LRP1B: variants seen among roughly 807,000 people sequenced by gnomAD.
LRP1B encodes the protein LDL receptor related protein 1B.
LRP1B carries 217 observed loss-of-function variants against 556.6 expected under a neutral mutation model. That is an observed-to-expected ratio of 0.39 (90% CI 0.35 to 0.44). LRP1B has a LOEUF of 0.44. LRP1B is among the 20% of genes least tolerant of loss of function. The pLI is 1.00. For missense variants in LRP1B, 5,053 were observed against 5,620.8 expected, an observed-to-expected ratio of 0.90 and a Z score of 3.23; for synonymous variants, 2,047 against 1,865.8, an observed-to-expected ratio of 1.10 and a Z score of -2.50.
At chr2:140,859,942 C>T (rs941643974) in intron 27 of LRP1B, among the ~76,000 whole-genome samples, 13 of 152,046 alleles carry the variant, frequency 8.6e-5, no homozygotes, top group East Asian at 1.9e-4. Context: ...TTGCAGTGAG[C>T]GGAGATCGCA....
intron 2 of LRP1B, among the ~76,000 whole-genome samples, chr2:141,528,246 G>A (rs1161623478): frequency 1.3e-5 from 2 of 151,680 alleles, no homozygotes; most frequent in Non-Finnish European, 2.9e-5. Context: ...CTCATAACGG[G>A]TTAAGTATAT....
At chr2:141,811,163 A>G (rs1418093366) in intron 1 of LRP1B, among the ~76,000 whole-genome samples, 1 of 152,082 alleles carries the variant, frequency 6.6e-6, no homozygotes, top group African/African-American at 2.4e-5. Flanking sequence ...TTATCACGTG[A>G]ATCCCTTTAC....
chr2:141,093,278 T>C (rs938896259), intron 7 of LRP1B, among the ~76,000 whole-genome samples: 3 of 152,120 alleles, frequency 2.0e-5, no homozygotes, highest in African/African-American at 2.4e-5. Context: ...TTATGTTCAA[T>C]TGAGGTGGTT....
intron 69 of LRP1B, among the ~76,000 whole-genome samples, chr2:140,372,311 T>C (rs1170777020): frequency 1.3e-5 from 2 of 152,076 alleles, no homozygotes; most frequent in Admixed American, 6.6e-5. Flanking sequence ...ATATAGCCCA[T>C]GGACATGGTA....
chr2:140,784,319 G>T (rs1039419498), intron 32 of LRP1B, among the ~76,000 whole-genome samples: 3 of 150,168 alleles, frequency 2.0e-5, no homozygotes, highest in African/African-American at 7.3e-5. Context: ...TTTCCCTATT[G>T]GGGGAAACTG....
chr2:140,971,798 C>A (rs1016877639), intron 18 of LRP1B, among the ~76,000 whole-genome samples: 1 of 152,158 alleles, frequency 6.6e-6, no homozygotes, highest in Non-Finnish European at 1.5e-5. Context: ...GGCGCCACTG[C>A]GCTCTAGCCT....
At chr2:141,351,989 C>G (rs1688462457) in intron 3 of LRP1B, among the ~76,000 whole-genome samples, 1 of 151,734 alleles carries the variant, frequency 6.6e-6, no homozygotes, top group Non-Finnish European at 1.5e-5. Flanking sequence ...ATCTGAGGCA[C>G]TGAAAGTGTA....
chr2:141,456,465 C>T (rs1440343344), intron 3 of LRP1B, among the ~76,000 whole-genome samples: 1 of 151,882 alleles, frequency 6.6e-6, no homozygotes, highest in Non-Finnish European at 1.5e-5. Context: ...TTTTTGTTTC[C>T]AGGACTGTTT....
At chr2:140,340,486 G>A (rs777685129) in intron 77 of LRP1B, among the ~76,000 whole-genome samples, 41 of 151,466 alleles carry the variant, frequency 2.7e-4, no homozygotes, top group Non-Finnish European at 4.7e-4. Flanking sequence ...TGCTAATTCC[G>A]ATATTATTCT....
chr2:141,425,409 A>G (rs1179485813), intron 3 of LRP1B, among the ~76,000 whole-genome samples: 1 of 149,976 alleles, frequency 6.7e-6, no homozygotes, highest in African/African-American at 2.5e-5. Context: ...TAGCAGCATG[A>G]CTTATATTCC....
chr2:141,670,426 T>C (rs1690623040), intron 2 of LRP1B, among the ~76,000 whole-genome samples: 1 of 152,190 alleles, frequency 6.6e-6, no homozygotes, highest in African/African-American at 2.4e-5. Context: ...GAAAATTAGG[T>C]AAGTGGATTG....
intron 1 of LRP1B, among the ~76,000 whole-genome samples, chr2:141,904,101 A>G (rs1310608533): frequency 6.6e-6 from 1 of 151,990 alleles, no homozygotes; most frequent in East Asian, 1.9e-4. Flanking sequence ...CAAGTGAAAT[A>G]AAACACAATT....
At chr2:141,565,675 G>A (rs1283965526) in intron 2 of LRP1B, among the ~76,000 whole-genome samples, 2 of 152,116 alleles carry the variant, frequency 1.3e-5, no homozygotes, top group African/African-American at 2.4e-5. Context: ...TGTGCTTTAC[G>A]CATACGCGTA....
intron 41 of LRP1B, among the ~76,000 whole-genome samples, chr2:140,621,880 T>C (rs1032816812): frequency 1.3e-5 from 2 of 152,224 alleles, no homozygotes; most frequent in African/African-American, 4.8e-5. Context: ...CATCTGACTT[T>C]CCTGGAGAAC....
intron 1 of LRP1B, among the ~76,000 whole-genome samples, chr2:141,953,438 A>C (rs1034532880): frequency 2.0e-5 from 3 of 152,130 alleles, no homozygotes; most frequent in African/African-American, 7.2e-5. Context: ...TGGAAAAAGC[A>C]GACTACCTCT....
chr2:141,716,937 C>T (rs1011038258), intron 2 of LRP1B, among the ~76,000 whole-genome samples: 2 of 144,228 alleles, frequency 1.4e-5, no homozygotes, highest in African/African-American at 5.2e-5. Context: ...TCTAAATAAA[C>T]CCTCTGTATT....
chr2:140,632,339 G>T (rs114287363), intron 41 of LRP1B, among the ~76,000 whole-genome samples: 4,445 of 152,130 alleles, frequency 0.029, 100 homozygotes, highest in South Asian at 0.05. Flanking sequence ...TTAGTGAAAT[G>T]AATGACAGCA....
At chr2:141,975,846 T>C (rs928292066) in intron 1 of LRP1B, among the ~76,000 whole-genome samples, 1 of 152,120 alleles carries the variant, frequency 6.6e-6, no homozygotes, top group African/African-American at 2.4e-5. Context: ...AAAGTTTCTG[T>C]AGGTCAATGT....
intron 66 of LRP1B, among the ~76,000 whole-genome samples, chr2:140,414,143 T>C (rs1320211372): frequency 1.3e-5 from 2 of 152,126 alleles, no homozygotes; most frequent in African/African-American, 4.8e-5. Flanking sequence ...CTCAAACTCA[T>C]AACCTGAAGC....
Sources: gnomAD v4.1 joint callset for allele counts (sites outside exome capture counted in the v4.1 genomes callset) on GRCh38, gnomAD v4.1.1 for gene constraint, MANE v1.5 for transcripts, NCBI Gene and HGNC (gene_info 2026-07-23, HGNC 2026-07-21) for gene names.